The following PDE3A variants were observed in gnomAD, a reference collection of about 807,000 sequenced individuals.
The protein encoded by PDE3A is cGMP-inhibited 3',5'-cyclic phosphodiesterase 3A.
PDE3A carries 43 observed loss-of-function variants against 98.3 expected under a neutral mutation model. The observed-to-expected ratio is 0.44, with a 90% CI of 0.34 to 0.56. PDE3A has a LOEUF of 0.56. Ranked by LOEUF, PDE3A falls within the 20% of genes least tolerant of loss-of-function variation. The probability of loss-of-function intolerance (pLI) is 0.01; values close to 1 mark genes in which losing one functional copy is unlikely to be tolerated. For missense variants in PDE3A, 1,427 were observed against 1,440.7 expected, an observed-to-expected ratio of 0.99 and a Z score of 0.15; for synonymous variants, 663 against 567.9, an observed-to-expected ratio of 1.17 and a Z score of -2.38.
intron 4 of PDE3A, among the ~76,000 whole-genome samples, chr12:20,617,385 G>A (rs1270580238): frequency 2.0e-5 from 3 of 152,086 alleles, no homozygotes; most frequent in Admixed American, 6.6e-5. Context: ...AAACTCAAAT[G>A]TCATTGTATA....
chr12:20,669,546 A>T (rs1179646267), intron 15 of PDE3A, among the ~76,000 whole-genome samples: 4 of 152,142 alleles, frequency 2.6e-5, no homozygotes, highest in African/African-American at 9.7e-5. Flanking sequence ...GCCAATATTC[A>T]ACATTCTTAA....
chr12:20,562,577 A>G (rs1223723539), intron 2 of PDE3A, among the ~76,000 whole-genome samples: 3 of 152,068 alleles, frequency 2.0e-5, no homozygotes, highest in Admixed American at 6.5e-5. Context: ...CAAGGGGCCA[A>G]TAATTTACTT....
intron 2 of PDE3A, among the ~76,000 whole-genome samples, chr12:20,593,121 T>G (rs1943379603): frequency 6.6e-6 from 1 of 152,126 alleles, no homozygotes; most frequent in South Asian, 2.1e-4. Context: ...TTGGTGTCAG[T>G]TTGAGAATGA....
At chr12:20,371,228 A>T in intron 1 of PDE3A, 1 of 232,204 alleles carries the variant, frequency 4.3e-6, no homozygotes, top group Non-Finnish European at 7.1e-6. Flanking sequence ...CAGTTGCTAT[A>T]AAGGGCATAA....
chr12:20,482,623 T>G (rs772257327), intron 1 of PDE3A, among the ~76,000 whole-genome samples: 17 of 152,368 alleles, frequency 1.1e-4, no homozygotes, highest in Non-Finnish European at 2.1e-4. Flanking sequence ...GTTTTAGAGA[T>G]AAGCACTTCT....
intron 14 of PDE3A, among the ~76,000 whole-genome samples, chr12:20,652,976 A>C (rs572878230): frequency 1.3e-5 from 2 of 152,310 alleles, no homozygotes; most frequent in Admixed American, 1.3e-4. Context: ...TAATTCATAA[A>C]TCTCGAAATA....
chr12:20,675,735 T>C (rs1236348375), intron 15 of PDE3A, among the ~76,000 whole-genome samples: 1 of 152,208 alleles, frequency 6.6e-6, no homozygotes, highest in African/African-American at 2.4e-5. Context: ...TTTTACTGTT[T>C]TGACTTAATT....
chr12:20,652,160 G>A (rs1486071671), intron 14 of PDE3A, among the ~76,000 whole-genome samples: 3 of 152,018 alleles, frequency 2.0e-5, no homozygotes, highest in African/African-American at 7.3e-5. Context: ...TCTTAATCCA[G>A]TCTATCATTG....
chr12:20,616,742 G>A (rs1259723540), intron 4 of PDE3A, among the ~76,000 whole-genome samples: 3 of 152,012 alleles, frequency 2.0e-5, no homozygotes, highest in East Asian at 1.9e-4. Context: ...ATTTGCATTT[G>A]ATATGAGATC....
chr12:20,381,445 G>A (rs1339258940), intron 1 of PDE3A, among the ~76,000 whole-genome samples: 2 of 151,764 alleles, frequency 1.3e-5, no homozygotes, highest in African/African-American at 4.8e-5. Flanking sequence ...CATAATATTA[G>A]TGCATGTAAA....
At chr12:20,428,577 G>A (rs542332837) in intron 1 of PDE3A, among the ~76,000 whole-genome samples, 289 of 152,016 alleles carry the variant, frequency 1.9e-3, no homozygotes, top group African/African-American at 6.7e-3. Flanking sequence ...CACCATGCCC[G>A]GCCTAAAATA....
intron 3 of PDE3A, among the ~76,000 whole-genome samples, chr12:20,614,134 A>G (rs1304105058): frequency 1.1e-5 from 1 of 94,954 alleles, no homozygotes; most frequent in Admixed American, 1.3e-4. Context: ...ATATACTTCA[A>G]AATACCCTCC....
chr12:20,481,940 A>G (rs1565563176), intron 1 of PDE3A, among the ~76,000 whole-genome samples: 1 of 150,930 alleles, frequency 6.6e-6, no homozygotes, highest in Non-Finnish European at 1.5e-5. Flanking sequence ...AATTTTTTGT[A>G]TTTTTTGTAG....
chr12:20,679,429 A>G (rs2120488888), intron 15 of PDE3A, among the ~76,000 whole-genome samples: 1 of 152,104 alleles, frequency 6.6e-6, no homozygotes, highest in African/African-American at 2.4e-5. Context: ...TTGTATTTTT[A>G]GTAGAGACAG....
intron 1 of PDE3A, among the ~76,000 whole-genome samples, chr12:20,402,179 TGA>T (rs1191437217): frequency 1.3e-5 from 2 of 152,052 alleles, no homozygotes; most frequent in Non-Finnish European, 2.9e-5. Flanking sequence ...ATTCTTTTTT[TGA>T]GAGAGAGTCT....
intron 1 of PDE3A, among the ~76,000 whole-genome samples, chr12:20,458,755 T>G (rs1945196206): frequency 1.3e-5 from 2 of 152,044 alleles, no homozygotes; most frequent in Admixed American, 6.6e-5. Flanking sequence ...AACATAAGAT[T>G]CAGAAACACA....
Position 20,635,292 on chromosome 12 carries a change from T to C in PDE3A, c.2001+236T>C, listed in dbSNP as rs570808668. 4.9e-4 allele frequency among the ~76,000 whole-genome samples: 75 copies of C among 151,874 alleles called. 1 individual carries two copies. Among genetic ancestry groups the C allele is most frequent in the South Asian group, 1.5e-3 (7 of 4,808 alleles). Reference sequence around the variant, plus strand: ...AAAAAATTACCCAGGCATAGCCAGGTGCAGTGGCTCACGCCTGTAATCCCA... The same window carrying C: ...AAAAAATTACCCAGGCATAGCCAGGCGCAGTGGCTCACGCCTGTAATCCCA... On this transcript the variant is annotated intron_variant, in intron 8 of 15. Transcript: ENST00000359062.
chr12:20,655,143 A>C (rs1945014817), intron 15 of PDE3A, among the ~76,000 whole-genome samples: 1 of 152,192 alleles, frequency 6.6e-6, no homozygotes. Flanking sequence ...CTGTAGTGAT[A>C]AATGCTGAGA....
At position 20,637,217 on chromosome 12, in the gene PDE3A, T is replaced by C. The variant is rs141574563; in HGVS notation, c.2119T>C (p.Cys707Arg). The change falls in exon 9 of 16, where the codon TGT becomes CGT. Residue 707 changes from cysteine (C) to arginine (R), a missense_variant. Coordinates refer to ENST00000359062, the MANE Select transcript of PDE3A (RefSeq NM_000921.5). ...FDLVENIGRK[C>R]GRILSQVSYR... The stretch of plus-strand genomic sequence containing the variant: ...TTTAGTGGAAAATATAGGAAGAAAA[T>C]GTGGCCGTATTCTTAGTCAGGTAAG... 330 of 1,608,220 alleles carry C rather than the reference T, an allele frequency of 2.1e-4. 1 individual carries two copies. In the East Asian group the frequency reaches 6.6e-3, roughly 32 times the overall value.
Sources: allele counts gnomAD v4.1 joint callset (sites outside exome capture counted in the v4.1 genomes callset), GRCh38; gene constraint gnomAD v4.1.1; transcripts MANE v1.5; gene names NCBI Gene and HGNC (gene_info 2026-07-23, HGNC 2026-07-21).